The following ARHGEF4 variants were observed in gnomAD, a reference collection of about 807,000 sequenced individuals.
ARHGEF4 encodes the protein APC-stimulated guanine nucleotide exchange factor 1.
Under a neutral mutation model 162.0 loss-of-function variants are expected in ARHGEF4, and 119 were observed. The ratio of observed to expected loss-of-function variants is 0.73; its 90% CI spans 0.63 to 0.86. ARHGEF4 has a LOEUF of 0.86. ARHGEF4 is among the 40% of genes least tolerant of loss of function. ARHGEF4 has a pLI of 0.00. For synonymous variants in ARHGEF4, 1,014 were observed against 979.9 expected, an observed-to-expected ratio of 1.03 and a Z score of -0.65; for missense variants, 2,488 against 2,456.0, an observed-to-expected ratio of 1.01 and a Z score of -0.28.
At chr2:131,038,426 T>A (rs1326088258) in intron 5 of ARHGEF4, among the ~76,000 whole-genome samples, 1 of 135,412 alleles carries the variant, frequency 7.4e-6, no homozygotes, top group Admixed American at 7.6e-5. Context: ...CCTGCAGCCT[T>A]GCAGCGCCCA....
At chr2:131,028,658 A>G (rs6725926) in intron 5 of ARHGEF4, among the ~76,000 whole-genome samples, 148,402 of 152,292 alleles carry the variant, frequency 0.97, 72,369 homozygotes, top group Non-Finnish European at 0.99. Context: ...CATTCCCAAT[A>G]AGAGAGGAAT....
chr2:130,968,737 G>T (rs191677951), intron 4 of ARHGEF4, among the ~76,000 whole-genome samples: 2 of 152,170 alleles, frequency 1.3e-5, no homozygotes, highest in Non-Finnish European at 2.9e-5. Flanking sequence ...GGCCAAAATA[G>T]TGAAACCCCG....
chr2:131,022,885 TA>T lies in ARHGEF4; in HGVS notation c.3986-5058del, dbSNP rs548744821. Among the ~76,000 whole-genome samples, 67 of 151,756 alleles carry T rather than the reference TA, an allele frequency of 4.4e-4. 1 individual carries two copies. The highest frequency in any genetic ancestry group is 3.4e-3 in the Middle Eastern group (1 of 294). On this transcript the variant is annotated intron_variant, in intron 4 of 13. Transcript: ENST00000409359. ...AACCCTTTTTAAGGCAATGAAAAGATAAGCTACAGACTGAGAGAAAATACTC... is the reference window on the plus strand; with the variant it reads ...AACCCTTTTTAAGGCAATGAAAAGATAGCTACAGACTGAGAGAAAATACTC...
chr2:130,866,185 G>A (rs1441553418), intron 1 of ARHGEF4, among the ~76,000 whole-genome samples: 1 of 152,098 alleles, frequency 6.6e-6, no homozygotes, highest in African/African-American at 2.4e-5. Flanking sequence ...GATCTGGGCA[G>A]CACAGCAAGG....
At chr2:131,005,354 G>A (rs574105157) in intron 4 of ARHGEF4, among the ~76,000 whole-genome samples, 8 of 152,232 alleles carry the variant, frequency 5.3e-5, no homozygotes, top group South Asian at 2.1e-4. Flanking sequence ...GTGAGCTACC[G>A]ATGACATGGG....
chr2:130,976,475 A>T (rs1009334540), intron 4 of ARHGEF4, among the ~76,000 whole-genome samples: 1 of 152,046 alleles, frequency 6.6e-6, no homozygotes, highest in African/African-American at 2.4e-5. Context: ...AGCTCTGAGC[A>T]TGGGAAGAGA....
intron 1 of ARHGEF4, among the ~76,000 whole-genome samples, chr2:130,848,777 T>G (rs1386795065): frequency 6.6e-6 from 1 of 152,086 alleles, no homozygotes; most frequent in Non-Finnish European, 1.5e-5. Context: ...ACATGCTTGG[T>G]TGTCAGTGTG....
chr2:131,002,868 T>A (rs1687874628), intron 4 of ARHGEF4, among the ~76,000 whole-genome samples: 1 of 152,182 alleles, frequency 6.6e-6, no homozygotes, highest in Non-Finnish European at 1.5e-5. Flanking sequence ...CATTGTTGGT[T>A]TACACTTCTG....
intron 4 of ARHGEF4, among the ~76,000 whole-genome samples, chr2:131,012,562 T>TG (rs77022298): frequency 2.1e-5 from 3 of 144,182 alleles, no homozygotes; most frequent in Non-Finnish European, 4.5e-5. Flanking sequence ...GCCAGGACTT[T>TG]TGTGTGTGTG....
chr2:131,016,931 A>G lies in ARHGEF4; in HGVS notation c.3986-11014A>G, dbSNP rs552777555. 4.6e-5 allele frequency among the ~76,000 whole-genome samples: 7 copies of G among 152,290 alleles called. No homozygotes were observed. The East Asian group carries it at 1.4e-3, about 29-fold the overall frequency. ...CTTCCCTTGTAAGGGGAAGCAGAAA[A>G]TTGTTTGGCTGCTGTTCACCAGAGG... On this transcript the variant is annotated intron_variant, in intron 4 of 13. Coordinates refer to ENST00000409359, the MANE Select transcript of ARHGEF4 (RefSeq NM_001367493.1).
At chr2:131,012,239 T>C (rs1688500002) in intron 4 of ARHGEF4, among the ~76,000 whole-genome samples, 1 of 151,760 alleles carries the variant, frequency 6.6e-6, no homozygotes, top group Non-Finnish European at 1.5e-5. Flanking sequence ...GGGTTGGGCA[T>C]TGAGAGACAG....
chr2:130,912,765 C>T lies in ARHGEF4; in HGVS notation c.40-1221C>T, dbSNP rs192144582. 5.4e-4 allele frequency among the ~76,000 whole-genome samples: 82 copies of T among 152,178 alleles called. 2 individuals carry two copies. In the East Asian group the frequency reaches 0.012, roughly 23 times the overall value. On this transcript the variant is annotated intron_variant, in intron 1 of 13. Transcript: ENST00000409359. Reference sequence around the variant, plus strand: ...TCAAGTCATTGTATGTACTGAGACACGCTACAGCCATGATGCCTAAGGGAA... The same window carrying T: ...TCAAGTCATTGTATGTACTGAGACATGCTACAGCCATGATGCCTAAGGGAA...
rs1035624919 is a variant in ARHGEF4 at position 130,916,473 on chromosome 2, C to A, written c.2527C>A (p.Arg843=). 1 of 1,544,768 alleles carries A rather than the reference C, an allele frequency of 6.5e-7. No individual in the cohort carries two copies. The highest frequency in any genetic ancestry group is 1.2e-5 in the South Asian group (1 of 83,882). Residue 843 remains arginine (R), a synonymous_variant, in exon 2 of 14, where the codon CGG becomes AGG. Transcript: ENST00000409359. Reference sequence around the variant, plus strand: ...GGAGAATCCGCCCGCTGCGGCCGGTCGGGACGCACCGCCTCTGCACCACGG... The same window carrying A: ...GGAGAATCCGCCCGCTGCGGCCGGTAGGGACGCACCGCCTCTGCACCACGG... ...PRENPPAAAG[R]DAPPLHHGDA... is the part of the protein sequence containing the mutation.
Position 130,914,528 on chromosome 2 carries a change from T to C in ARHGEF4, c.582T>C (p.Pro194=), listed in dbSNP as rs6752575. Residue 194 remains proline (P), a synonymous_variant, in exon 2 of 14, where the codon CCT becomes CCC. Transcript: ENST00000409359. ...AGAGGGCCACAGACAGCAGTGGTCC[T>C]GAGCCAGTACAGGGGGTGGCTGTTC... ...CLQRATDSSG[P]EPVQGVAVQD... is the part of the protein sequence containing the mutation. 963,190 of 1,421,340 alleles carry C rather than the reference T, an allele frequency of 0.68. 327,904 individuals are homozygous for C. The highest frequency in any genetic ancestry group is 0.91 in the East Asian group (35,993 of 39,580). 88.0% of individuals were successfully genotyped at this position (1,421,340 alleles called of 1,614,324 possible).
intron 4 of ARHGEF4, among the ~76,000 whole-genome samples, chr2:130,991,090 A>T (rs577515269): frequency 6.6e-6 from 1 of 152,380 alleles, no homozygotes; most frequent in Admixed American, 6.5e-5. Context: ...ATGGATACAG[A>T]TTTTCCAAAA....
At chr2:131,036,011 A>C (rs1020525644) in intron 5 of ARHGEF4, among the ~76,000 whole-genome samples, 4 of 152,164 alleles carry the variant, frequency 2.6e-5, no homozygotes, top group Non-Finnish European at 4.4e-5. Flanking sequence ...ACCTTCTCCC[A>C]CAATAGAACA....
chr2:130,946,569 C>A lies in ARHGEF4; in HGVS notation c.3919C>A (p.Pro1307Thr). The A allele has an allele frequency of 6.2e-7, 1 of 1,614,112 alleles. No individual in the cohort carries two copies. Among genetic ancestry groups the A allele is most frequent in the Non-Finnish European group, 8.5e-7 (1 of 1,179,968 alleles). Residue 1307 changes from proline (P) to threonine (T), a missense_variant, in exon 4 of 14, where the codon CCA becomes ACA. Around this residue, in one of 6 missense-constraint regions of ARHGEF4, gnomAD observed 1,642 missense variants for 1,481.5 expected, o/e 1.11. Coordinates refer to ENST00000409359, the MANE Select transcript of ARHGEF4 (RefSeq NM_001367493.1). Reference protein sequence around the residue: ...ESLNLPRRSHPLSQSAPTGLN... With the variant: ...ESLNLPRRSHTLSQSAPTGLN... ...TTTGAATCTCCCTAGAAGAAGCCAT[C>A]CACTCTCCCAGAGTGCTCCAACGGG...
intron 4 of ARHGEF4, among the ~76,000 whole-genome samples, chr2:130,987,942 A>G (rs1686631875): frequency 6.6e-6 from 1 of 152,198 alleles, no homozygotes; most frequent in Non-Finnish European, 1.5e-5. Flanking sequence ...CTTGGACCCC[A>G]GCTGTACCAC....
At chr2:130,839,515 T>C (rs753362993) in intron 1 of ARHGEF4, among the ~76,000 whole-genome samples, 5 of 152,188 alleles carry the variant, frequency 3.3e-5, no homozygotes, top group Non-Finnish European at 5.9e-5. Context: ...CACACAGATC[T>C]GCTTGGGCAC....
Sources: gnomAD v4.1 joint callset for allele counts (sites outside exome capture counted in the v4.1 genomes callset) on GRCh38, gnomAD v4.1.1 for gene constraint, gnomAD v4.1.1 regional missense constraint, MANE v1.5 for transcripts, NCBI Gene and HGNC (gene_info 2026-07-23, HGNC 2026-07-21) for gene names.